The following ZNF875 variants were observed in gnomAD, a reference collection of about 807,000 sequenced individuals.
ZNF875 encodes the protein zinc finger protein 875.
In ZNF875, 14 loss-of-function variants were observed where a neutral mutation model predicts 11.2. The ratio of observed to expected loss-of-function variants is 1.26; its 90% CI spans 0.83 to 1.96. ZNF875 has a LOEUF of 1.96. Ranked by LOEUF, ZNF875 falls within the 30% of genes most tolerant of loss-of-function variation. The pLI, the probability that ZNF875 is intolerant of heterozygous loss-of-function variation, is 0.00. For synonymous variants in ZNF875, 301 were observed against 281.1 expected, an observed-to-expected ratio of 1.07 and a Z score of -0.71; for missense variants, 752 against 760.4, an observed-to-expected ratio of 0.99 and a Z score of 0.13.
intron 1 of ZNF875, among the ~76,000 whole-genome samples, chr19:37,321,487 T>A (rs572849954): frequency 2.6e-5 from 4 of 152,090 alleles, no homozygotes; most frequent in Non-Finnish European, 5.9e-5. Context: ...TCTGAGATGG[T>A]AGAGATAATG....
At chr19:37,361,889 C>G in intron 4 of ZNF875, 1 of 512,850 alleles carries the variant, frequency 1.9e-6, no homozygotes, top group South Asian at 2.4e-5. Flanking sequence ...TGCACTCCAG[C>G]TTGGGTGAAA....
intron 4 of ZNF875, among the ~76,000 whole-genome samples, chr19:37,350,524 C>G (rs541923914): frequency 1.3e-5 from 2 of 152,122 alleles, no homozygotes; most frequent in Non-Finnish European, 2.9e-5. Flanking sequence ...CATTTCAAAA[C>G]CAGGTAACTG....
intron 4 of ZNF875, among the ~76,000 whole-genome samples, chr19:37,357,758 G>GTTTTCTAGGTATAGGATTA (rs1465727095): frequency 6.6e-6 from 1 of 151,856 alleles, no homozygotes; most frequent in African/African-American, 2.4e-5. Flanking sequence ...GACCTTTAGA[G>GTTTTCTAGGTATAGGATTA]TTTTCTAGGT....
upstream of ZNF875, chr19:37,334,538 C>T (rs2145882657): frequency 2.7e-6 from 1 of 366,794 alleles, no homozygotes; most frequent in South Asian, 2.0e-5. Context: ...GTGTGGTGGG[C>T]AAAGCCGACT....
At chr19:37,325,039 A>G (rs1029615660) in intron 4 of ZNF875, 2 of 152,202 alleles carry the variant, frequency 1.3e-5, no homozygotes, top group African/African-American at 4.8e-5. Context: ...CAGCCTCTCA[A>G]AGTGCTGGGA....
chr19:37,322,524 A>G (rs1470908245), intron 2 of ZNF875, among the ~76,000 whole-genome samples: 1 of 152,242 alleles, frequency 6.6e-6, no homozygotes, highest in African/African-American at 2.4e-5. Flanking sequence ...TCAGTCAATG[A>G]GCATTCAGTA....
chr19:37,354,240 C>A (rs2038476359), intron 4 of ZNF875, among the ~76,000 whole-genome samples: 1 of 66,274 alleles, frequency 1.5e-5, no homozygotes, highest in Non-Finnish European at 2.8e-5. Context: ...CCTCCTCTCC[C>A]CTCCTCTCCC....
rs917327043 is a variant in ZNF875 at position 37,357,677 on chromosome 19, G to A, written c.257-4432G>A. On this transcript the variant is annotated intron_variant, in intron 4 of 4. Coordinates refer to ENST00000392153, the MANE Select transcript of ZNF875 (RefSeq NM_001353803.2). ...GTGTATAGAAATGCTATTGATTTTT[G>A]TACATTGATTTTGTATCCTGGAACT... Among the ~76,000 whole-genome samples the A allele has an allele frequency of 7.9e-5, 12 of 151,584 alleles. No homozygotes were observed. In the East Asian group the frequency reaches 1.9e-3, roughly 25 times the overall value.
intron 2 of ZNF875, chr19:37,345,159 C>T (rs896356398): frequency 5.7e-6 from 1 of 176,350 alleles, no homozygotes; most frequent in African/African-American, 2.3e-5. Context: ...AGCCCCATCC[C>T]CTGGTTTTAC....
At chr19:37,327,601 C>G (rs2032700229) in intron 4 of ZNF875, among the ~76,000 whole-genome samples, 1 of 150,014 alleles carries the variant, frequency 6.7e-6, no homozygotes, top group East Asian at 2.1e-4. Context: ...AACCCCGTCT[C>G]TACTAAAAAT....
At chr19:37,331,804 A>ACGT (rs1568572973), upstream of ZNF875, among the ~76,000 whole-genome samples, 10 of 126,628 alleles carry the variant, frequency 7.9e-5, no homozygotes, top group East Asian at 2.5e-3. Flanking sequence ...CCAGCCCGAC[A>ACGT]CCCCCAGCCC....
chr19:37,354,830 T>A (rs1053231711), intron 4 of ZNF875, among the ~76,000 whole-genome samples: 2 of 152,192 alleles, frequency 1.3e-5, no homozygotes, highest in African/African-American at 4.8e-5. Context: ...GTTTGGCCTC[T>A]TTGCATGCAC....
intron 4 of ZNF875, among the ~76,000 whole-genome samples, chr19:37,356,052 G>C (rs1302582076): frequency 6.6e-6 from 1 of 152,168 alleles, no homozygotes; most frequent in African/African-American, 2.4e-5. Flanking sequence ...TTTCTGCATT[G>C]ATTCACTTAG....
At chr19:37,340,684 T>C (rs1486200035) in intron 2 of ZNF875, among the ~76,000 whole-genome samples, 2 of 137,764 alleles carry the variant, frequency 1.5e-5, no homozygotes, top group African/African-American at 5.6e-5. Context: ...AGTCTGGCCC[T>C]GTCGCCCAGG....
intron 4 of ZNF875, among the ~76,000 whole-genome samples, chr19:37,361,063 T>G (rs948389635): frequency 6.6e-6 from 1 of 151,718 alleles, no homozygotes; most frequent in Non-Finnish European, 1.5e-5. Context: ...TCCTTTCTAG[T>G]TAAGATGCCT....
intron 2 of ZNF875, among the ~76,000 whole-genome samples, chr19:37,338,921 G>A (rs2035088225): frequency 6.6e-6 from 1 of 152,198 alleles, no homozygotes; most frequent in African/African-American, 2.4e-5. Flanking sequence ...AGGTATTACT[G>A]CCAAGGACCT....
At chr19:37,338,810 T>C (rs1225864188) in intron 2 of ZNF875, among the ~76,000 whole-genome samples, 1 of 152,194 alleles carries the variant, frequency 6.6e-6, no homozygotes, top group Admixed American at 6.5e-5. Context: ...ATGTGGTTAA[T>C]CACATGTTTC....
At chr19:37,354,222 CCCCCTCCCCTCCTCTCCCCTCCTCT>C (rs1369705932) in intron 4 of ZNF875, among the ~76,000 whole-genome samples, 16 of 90,378 alleles carry the variant, frequency 1.8e-4, no homozygotes, top group Non-Finnish European at 2.7e-4. Context: ...TTTTTTCTTT[CCCCCTCCCCTCCTCTCCCCTCCTCT>C]CCCCTCCCCT....
intron 2 of ZNF875, 47 bp downstream of exon 2, chr19:37,335,304 C>T: frequency 1.5e-6 from 1 of 673,592 alleles, no homozygotes; most frequent in East Asian, 2.7e-5. Context: ...AGAATGGGTC[C>T]CATTACCTTT....
Sources: gnomAD v4.1 joint callset for allele counts (sites outside exome capture counted in the v4.1 genomes callset) on GRCh38, gnomAD v4.1.1 for gene constraint, MANE v1.5 for transcripts, NCBI Gene and HGNC (gene_info 2026-07-23, HGNC 2026-07-21) for gene names.